The following PLXNA2 variants were observed in gnomAD, a reference collection of about 807,000 sequenced individuals.
PLXNA2 encodes the protein plexin-A2.
In PLXNA2, 91 loss-of-function variants were observed where a neutral mutation model predicts 193.5. That is an observed-to-expected ratio of 0.47 (90% CI 0.40 to 0.56). The LOEUF (loss-of-function observed/expected upper bound fraction) is 0.56, where lower values mean the gene tolerates loss of function less well. Ranked by LOEUF, PLXNA2 falls within the 20% of genes least tolerant of loss-of-function variation. The probability of loss-of-function intolerance (pLI) is 0.00; values close to 1 mark genes in which losing one functional copy is unlikely to be tolerated. For synonymous variants in PLXNA2, 997 were observed against 1,027.3 expected (o/e 0.97, Z 0.56); for missense variants, 1,995 against 2,503.2 (o/e 0.80, Z 4.33).
chr1:208,216,485 C>T (rs1333477576), intron 2 of PLXNA2, among the ~76,000 whole-genome samples: 4 of 152,342 alleles, frequency 2.6e-5, no homozygotes, highest in Admixed American at 2.6e-4. Context: ...GCAGCATTTA[C>T]AATAGCACCT....
At position 208,034,556 on chromosome 1, in the gene PLXNA2, G is replaced by T. The variant is rs1002890525; in HGVS notation, c.4801C>A (p.Gln1601Lys). Reference sequence around the variant, plus strand: ...GCAGGGATGTTGTAGGAGGAGGTCTGTTTGGGGACCAGAGCCACCACCGAC... The same window carrying T: ...GCAGGGATGTTGTAGGAGGAGGTCTTTTTGGGGACCAGAGCCACCACCGAC... The part of the protein sequence containing the change: ...DRSVVALVPK[Q>K]TSSYNIPASA... The change falls in exon 27 of 32, where the codon CAG becomes AAG. Residue 1601 changes from glutamine (Q) to lysine (K), a missense_variant. Coordinates refer to ENST00000367033, the MANE Select transcript of PLXNA2 (RefSeq NM_025179.4). The T allele has an allele frequency of 6.2e-7, 1 of 1,613,968 alleles. No homozygotes were observed.
At chr1:208,221,256 T>A (rs768122507) in intron 1 of PLXNA2, among the ~76,000 whole-genome samples, 68 of 152,186 alleles carry the variant, frequency 4.5e-4, no homozygotes, top group Non-Finnish European at 2.1e-4. Context: ...ATTTCCTTTT[T>A]CAGATAAAAT....
chr1:208,224,508 G>A (rs536532612), intron 1 of PLXNA2, among the ~76,000 whole-genome samples: 68 of 151,872 alleles, frequency 4.5e-4, no homozygotes, highest in African/African-American at 1.4e-3. Context: ...TTTTATGCAC[G>A]CGATTTAAAG....
In PLXNA2 at chr1:208,052,341, G is replaced by A; in HGVS notation, c.2979C>T (p.Thr993=). ...GTTTATCTCACCCGTAGAACTCGCA[G>A]GTCTGGTTGCCCAGGTAGACTGCCA... ...SSVAVYLGNQ[T]CEFYGRSMSE... Residue 993 remains threonine, a synonymous_variant, in exon 15 of 32, where the codon ACC becomes ACT. Coordinates refer to ENST00000367033, the MANE Select transcript of PLXNA2 (RefSeq NM_025179.4). 1 of 1,613,152 alleles carries A rather than the reference G, an allele frequency of 6.2e-7. No homozygotes were observed. The highest frequency in any genetic ancestry group is 1.1e-5 in the South Asian group (1 of 91,040).
chr1:208,042,744 A>C (rs1017527583), intron 21 of PLXNA2, among the ~76,000 whole-genome samples: 1 of 152,238 alleles, frequency 6.6e-6, no homozygotes, highest in Non-Finnish European at 1.5e-5. Context: ...ATGAACAAAC[A>C]AACCTCATAG....
At position 208,079,407 on chromosome 1, in the gene PLXNA2, G is replaced by C; in HGVS notation, c.2439C>G (p.Leu813=). ...KCAAQRESCG[L]CLKADRKFEC... ...CAAACTTCCGGTCGGCCTTGAGGCA[G>C]AGGCCGCAGCTCTCCCGCTGGGCTG... Residue 813 remains leucine (L), a synonymous_variant, in exon 12 of 32, where the codon CTC becomes CTG. Transcript: ENST00000367033. The C allele has an allele frequency of 1.2e-5, 19 of 1,612,540 alleles. No homozygotes were observed. Among genetic ancestry groups the C allele is most frequent in the Non-Finnish European group, 1.6e-5 (19 of 1,179,204 alleles).
chr1:208,216,872 C>T lies in PLXNA2; in HGVS notation c.1051G>A (p.Asp351Asn), dbSNP rs200228152. 2.0e-5 allele frequency: 32 copies of T among 1,614,212 alleles called. No individual in the cohort carries two copies. The highest frequency in any genetic ancestry group is 1.6e-4 in the Middle Eastern group (1 of 6,062). Residue 351 changes from aspartate (D) to asparagine (N), a missense_variant, in exon 2 of 32, where the codon GAT becomes AAT. Asp to Asn is a conservative substitution (Grantham distance 23). Transcript: ENST00000367033. The stretch of plus-strand genomic sequence containing the variant: ...GGGAAGGCACACAGGGCAGAGTCAT[C>T]GGGCGGGTGGTGATACTGCTTCTGC... ...KGQKQYHHPP[D>N]DSALCAFPIR... is the part of the protein sequence containing the mutation.
chr1:208,123,834 G>A (rs1667882021), intron 4 of PLXNA2, among the ~76,000 whole-genome samples: 1 of 152,190 alleles, frequency 6.6e-6, no homozygotes, highest in Admixed American at 6.5e-5. Flanking sequence ...AAAAGGACGC[G>A]GCTAGTCATT....
intron 3 of PLXNA2, among the ~76,000 whole-genome samples, chr1:208,186,769 G>A (rs1314719928): frequency 6.1e-5 from 9 of 146,876 alleles, no homozygotes; most frequent in African/African-American, 2.3e-4. Context: ...CGGGACTGCG[G>A]ACTGCAGTGG....
chr1:208,069,126 C>G (rs1201371860), intron 12 of PLXNA2, among the ~76,000 whole-genome samples: 1 of 152,200 alleles, frequency 6.6e-6, no homozygotes, highest in Non-Finnish European at 1.5e-5. Flanking sequence ...CATCTTAAGC[C>G]AGGAAGACTA....
At chr1:208,146,640 T>C (rs1446860837) in intron 3 of PLXNA2, among the ~76,000 whole-genome samples, 1 of 152,142 alleles carries the variant, frequency 6.6e-6, no homozygotes, top group Non-Finnish European at 1.5e-5. Context: ...GAGGGGAGTG[T>C]CAAGGAGTCC....
At chr1:208,043,921 G>A (rs975446270) in intron 20 of PLXNA2, among the ~76,000 whole-genome samples, 6 of 152,230 alleles carry the variant, frequency 3.9e-5, no homozygotes, top group Admixed American at 2.6e-4. Flanking sequence ...CTGAGAGGAC[G>A]CCAGGTACAC....
chr1:208,137,339 A>G (rs1668333884), intron 4 of PLXNA2, among the ~76,000 whole-genome samples: 1 of 152,156 alleles, frequency 6.6e-6, no homozygotes, highest in Admixed American at 6.6e-5. Context: ...TTCCATCCCT[A>G]TACTCTTTTC....
intron 12 of PLXNA2, among the ~76,000 whole-genome samples, chr1:208,064,765 G>T (rs1348214308): frequency 6.6e-6 from 1 of 152,200 alleles, no homozygotes; most frequent in African/African-American, 2.4e-5. Flanking sequence ...GAGATGGCCA[G>T]GGAGGGGAGG....
chr1:208,118,751 T>C (rs1184734968), intron 4 of PLXNA2, among the ~76,000 whole-genome samples: 1 of 151,410 alleles, frequency 6.6e-6, no homozygotes, highest in Non-Finnish European at 1.5e-5. Flanking sequence ...ACATTTTTTT[T>C]CTTTTTTTTT....
intron 28 of PLXNA2, 77 bp from the exon 29 acceptor site, chr1:208,031,836 G>T: frequency 7.5e-7 from 1 of 1,342,120 alleles, no homozygotes; most frequent in Non-Finnish European, 1.0e-6. Context: ...ATGGTGCCTT[G>T]GACCCATCCT....
chr1:208,027,089 G>A lies in PLXNA2; in HGVS notation c.*154C>T. The stretch of plus-strand genomic sequence containing the variant: ...AACTGGCTATGACGAAACTTGGCTG[G>A]CGTAGGGAGAGGAGTCCTCCCCTCT... On this transcript the variant is annotated 3_prime_UTR_variant, in exon 32 of 32. Coordinates refer to ENST00000367033, the MANE Select transcript of PLXNA2 (RefSeq NM_025179.4). 1.5e-6 allele frequency: 1 copy of A among 658,798 alleles called. No homozygotes were observed. Among genetic ancestry groups the A allele is most frequent in the Non-Finnish European group, 2.6e-6 (1 of 386,190 alleles). 40.8% of individuals were successfully genotyped at this position (658,798 alleles called of 1,614,324 possible).
chr1:208,086,278 A>G (rs1303694796), intron 9 of PLXNA2, among the ~76,000 whole-genome samples: 1 of 152,158 alleles, frequency 6.6e-6, no homozygotes, highest in East Asian at 1.9e-4. Flanking sequence ...GAGGGTAAAT[A>G]GAAAATAAAA....
chr1:208,161,812 T>G (rs1401742867), intron 3 of PLXNA2, among the ~76,000 whole-genome samples: 1 of 152,198 alleles, frequency 6.6e-6, no homozygotes, highest in Non-Finnish European at 1.5e-5. Flanking sequence ...TTCTCCACAG[T>G]CATGGTGCTA....
Sources: gnomAD v4.1 joint callset for allele counts (sites outside exome capture counted in the v4.1 genomes callset) on GRCh38, gnomAD v4.1.1 for gene constraint, MANE v1.5 for transcripts, NCBI Gene and HGNC (gene_info 2026-07-23, HGNC 2026-07-21) for gene names.